HMCN1: variants seen among roughly 807,000 people sequenced by gnomAD.
HMCN1 encodes the protein hemicentin 1, also known as hemicentin-1.
In HMCN1, 321 loss-of-function variants were observed where a neutral mutation model predicts 625.9. That is an observed-to-expected ratio of 0.51 (90% CI 0.47 to 0.56). The LOEUF (loss-of-function observed/expected upper bound fraction) is 0.56, where lower values mean the gene tolerates loss of function less well. Among genes scored for constraint, HMCN1 ranks in the 20% least tolerant of loss-of-function variants. The probability of loss-of-function intolerance (pLI) is 0.00; values close to 1 mark genes in which losing one functional copy is unlikely to be tolerated. For missense variants in HMCN1, 6,588 were observed against 6,887.3 expected (o/e 0.96, Z 1.54); for synonymous variants, 2,425 against 2,417.6 (o/e 1.00, Z -0.09).
Position 186,003,752 on chromosome 1 carries a change from T to G in HMCN1, c.4383T>G (p.Asn1461Lys). 1 of 1,613,236 alleles carries G rather than the reference T, an allele frequency of 6.2e-7. No individual in the cohort carries two copies. Among genetic ancestry groups the G allele is most frequent in the South Asian group, 1.1e-5 (1 of 91,074 alleles). The change falls in exon 29 of 107, where the codon AAT (asparagine) becomes AAG (lysine). Residue 1461 changes from asparagine to lysine, a missense_variant. By Grantham distance (94) the Asn-to-Lys change is moderately conservative (BLOSUM62 0). Transcript: ENST00000271588. ...PPTIIGTNFPNEVSVVLNRDV... is the reference protein window; with the variant it reads ...PPTIIGTNFPKEVSVVLNRDV... ...CCATAATAGGTACCAACTTCCCAAA[T>G]GAAGTCTCAGTTGTCCTCAACCGTG...
rs1658033653 is a variant in HMCN1, at chr1:186,065,277, A to T, written c.7553A>T (p.Gln2518Leu). The T allele has an allele frequency of 6.2e-7, 1 of 1,612,644 alleles. No individual in the cohort carries two copies. The highest frequency in any genetic ancestry group is 2.2e-5 in the East Asian group (1 of 44,762). Residue 2518 changes from glutamine (Q) to leucine (L), a missense_variant, in exon 49 of 107, where the codon CAG (glutamine) becomes CTG (leucine). Physicochemically the swap from Gln to Leu is moderately radical, Grantham distance 113. Coordinates refer to ENST00000271588, the MANE Select transcript of HMCN1 (RefSeq NM_031935.3). ...VPEITWHKDG[Q>L]PLQEDEAHHI... ...GAAATTACATGGCACAAAGATGGGCAGCCCCTCCAAGAAGATGAAGCCCAT... is the reference window on the plus strand; with the variant it reads ...GAAATTACATGGCACAAAGATGGGCTGCCCCTCCAAGAAGATGAAGCCCAT...
chr1:185,982,704 G>A (rs1438098346), intron 18 of HMCN1, among the ~76,000 whole-genome samples: 3 of 152,024 alleles, frequency 2.0e-5, no homozygotes, highest in Non-Finnish European at 4.4e-5. Flanking sequence ...GCCTCTCAAA[G>A]TGCTGGGATT....
In HMCN1 at chr1:185,734,583, C is replaced by T. The variant is rs1341582702; in HGVS notation, c.-197C>T. The T allele has an allele frequency of 6.6e-6, 4 of 605,804 alleles. No homozygotes were observed. The highest frequency in any genetic ancestry group is 1.8e-5 in the African/African-American group (1 of 54,090). 37.5% of individuals were successfully genotyped at this position (605,804 alleles called of 1,614,324 possible). A position where few individuals can be genotyped will look rare whatever the true frequency, so the allele number is the denominator to read the frequency against. ...CATCCAGACAAAAGCTGCCGCATCC[C>T]TGCCCTGCCCAACCCCTGGAGGGAT... On this transcript the variant is annotated 5_prime_UTR_variant, in exon 1 of 107. Coordinates refer to ENST00000271588, the MANE Select transcript of HMCN1 (RefSeq NM_031935.3).
At position 186,113,111 on chromosome 1, in the gene HMCN1, G is replaced by T. The variant is rs536998725; in HGVS notation, c.11131+158G>T. ...GGAGTATTTGTATTATATCTATACT[G>T]CAAATTAACTCAATTTCCAAAAAAC... On this transcript the variant is annotated intron_variant, in intron 72 of 106. Coordinates refer to ENST00000271588, the MANE Select transcript of HMCN1 (RefSeq NM_031935.3). Among the ~76,000 whole-genome samples the T allele has an allele frequency of 2.6e-5, 4 of 152,260 alleles. No individual in the cohort carries two copies. The South Asian group carries it at 8.3e-4, about 32-fold the overall frequency.
intron 11 of HMCN1, among the ~76,000 whole-genome samples, chr1:185,961,708 G>T (rs866596335): frequency 3.9e-5 from 6 of 152,276 alleles, no homozygotes; most frequent in South Asian, 4.1e-4. Flanking sequence ...TTATCTCAGA[G>T]AATTGTTTTC....
chr1:185,849,732 A>T (rs1336471221), intron 2 of HMCN1, among the ~76,000 whole-genome samples: 1 of 152,190 alleles, frequency 6.6e-6, no homozygotes, highest in Non-Finnish European at 1.5e-5. Flanking sequence ...TGTAAATTAT[A>T]TACTAAATTG....
At chr1:186,069,848 T>G in intron 51 of HMCN1, 72 bp downstream of exon 51, 2 of 906,934 alleles carry the variant, frequency 2.2e-6, no homozygotes, top group South Asian at 1.4e-5. Flanking sequence ...TGTTTTTCAT[T>G]ATGGGTTCAT....
At chr1:185,823,477 TTTG>T (rs1660324777) in intron 1 of HMCN1, among the ~76,000 whole-genome samples, 1 of 152,278 alleles carries the variant, frequency 6.6e-6, no homozygotes, top group South Asian at 2.1e-4. Context: ...ACAGATTTTT[TTTG>T]TTATTTTTGA....
chr1:186,070,778 T>C (rs1180550182), intron 52 of HMCN1, 21 bp downstream of exon 52: 5 of 1,612,918 alleles, frequency 3.1e-6, no homozygotes, highest in Non-Finnish European at 3.4e-6. Flanking sequence ...ACTTTTTTCA[T>C]TTGCTGATGA....
chr1:185,877,351 T>TA (rs1184127657), intron 4 of HMCN1, among the ~76,000 whole-genome samples: 2 of 114,660 alleles, frequency 1.7e-5, no homozygotes, highest in South Asian at 3.2e-4. Context: ...TTTTTTTTTT[T>TA]ACCAGTACCA....
At position 186,045,715 on chromosome 1, in the gene HMCN1, A is replaced by G; in HGVS notation, c.6332A>G (p.Gln2111Arg). The change falls in exon 41 of 107, where the codon CAG becomes CGG. Residue 2111 changes from glutamine to arginine, a missense_variant. Gln to Arg is a conservative substitution (Grantham distance 43, BLOSUM62 1). This residue lies in a region of HMCN1 where 4,628 missense variants were observed against 4,853.1 expected (regional missense o/e 0.95). Transcript: ENST00000271588. ...YVPPNIMGEEQNVSVLISQAV... is the reference protein window; with the variant it reads ...YVPPNIMGEERNVSVLISQAV... ...CCGCCAAATATTATGGGAGAAGAAC[A>G]GAATGTCTCTGTCCTCATTAGCCAA... 6.2e-7 allele frequency: 1 copy of G among 1,613,496 alleles called. No homozygotes were observed. The highest frequency in any genetic ancestry group is 8.5e-7 in the Non-Finnish European group (1 of 1,179,550).
At chr1:186,078,515 G>A (rs1658966038) in intron 55 of HMCN1, among the ~76,000 whole-genome samples, 2 of 152,190 alleles carry the variant, frequency 1.3e-5, no homozygotes, top group African/African-American at 4.8e-5. Context: ...GACTTCTGTG[G>A]TTCAAATGAG....
chr1:185,865,719 CTTTT>C lies in HMCN1; in HGVS notation c.499-12_499-9del, dbSNP rs57584779. The C allele has an allele frequency of 6.6e-6, 6 of 908,080 alleles. No homozygotes were observed. Among genetic ancestry groups the C allele is most frequent in the South Asian group, 1.8e-5 (1 of 54,578 alleles). 56.3% of individuals were successfully genotyped at this position (908,080 alleles called of 1,614,324 possible). ...TTTCTGGAAACCCTTTACACTGTTT[CTTTT>C]TTTTTTTTTAATCATAGGTCGTATT... On this transcript the variant is annotated intron_variant, in intron 3 of 106. Coordinates refer to ENST00000271588, the MANE Select transcript of HMCN1 (RefSeq NM_031935.3).
chr1:186,023,243 A>T, intron 36 of HMCN1, 90 bp downstream of exon 36: 1 of 1,181,938 alleles, frequency 8.5e-7, no homozygotes, highest in South Asian at 1.3e-5. Flanking sequence ...ACAGTATAAA[A>T]GAAACAGGTG....
At chr1:185,884,388 C>T (rs1011315589) in intron 4 of HMCN1, among the ~76,000 whole-genome samples, 2 of 151,988 alleles carry the variant, frequency 1.3e-5, no homozygotes, top group Non-Finnish European at 2.9e-5. Context: ...CTCTTGTCTT[C>T]ATAGCTCCCT....
At position 186,038,874 on chromosome 1, in the gene HMCN1, G is replaced by A. The variant is rs1217331276; in HGVS notation, c.5897G>A (p.Ser1966Asn). 1 of 1,604,804 alleles carries A rather than the reference G, an allele frequency of 6.2e-7. No individual in the cohort carries two copies. The highest frequency in any genetic ancestry group is 8.5e-7 in the Non-Finnish European group (1 of 1,171,698). The change falls in exon 38 of 107, where the codon AGC (serine) becomes AAC (asparagine). Residue 1966 changes from serine to asparagine, a missense_variant. Ser to Asn is a conservative substitution (Grantham distance 46, BLOSUM62 1). This residue lies in a region of HMCN1 where 4,628 missense variants were observed against 4,853.1 expected (regional missense o/e 0.95). Transcript: ENST00000271588. Reference sequence around the variant, plus strand: ...AATCGTCTACTCTCAGGTTCCACCAGCATGACTTTCTTGAACAGAGGACAG... The same window carrying A: ...AATCGTCTACTCTCAGGTTCCACCAACATGACTTTCTTGAACAGAGGACAG... ...KDNRLLSGST[S>N]MTFLNRGQII...
At chr1:185,939,313 A>G (rs1403306391) in intron 11 of HMCN1, among the ~76,000 whole-genome samples, 4 of 152,204 alleles carry the variant, frequency 2.6e-5, no homozygotes, top group African/African-American at 7.2e-5. Flanking sequence ...CACGAGGATA[A>G]TGGTACAATT....
At chr1:186,111,183 A>G (rs1660869486) in intron 71 of HMCN1, among the ~76,000 whole-genome samples, 1 of 151,030 alleles carries the variant, frequency 6.6e-6, no homozygotes, top group South Asian at 2.1e-4. Flanking sequence ...GGGTTTCACC[A>G]TGTTAGCCAG....
At chr1:185,940,321 T>G (rs1305819684) in intron 11 of HMCN1, among the ~76,000 whole-genome samples, 1 of 152,232 alleles carries the variant, frequency 6.6e-6, no homozygotes, top group African/African-American at 2.4e-5. Flanking sequence ...TTAGCTTTCA[T>G]GTATTAGTAC....
Sources: allele counts gnomAD v4.1 joint callset (sites outside exome capture counted in the v4.1 genomes callset), GRCh38; gene constraint gnomAD v4.1.1; regional missense constraint gnomAD v4.1.1; transcripts MANE v1.5; gene names NCBI Gene and HGNC (gene_info 2026-07-23, HGNC 2026-07-21).